TRIM45: variants seen among roughly 807,000 people sequenced by gnomAD.
TRIM45 encodes tripartite motif containing 45, also known as E3 ubiquitin-protein ligase TRIM45.
TRIM45 carries 45 observed loss-of-function variants against 46.7 expected under a neutral mutation model. That is an observed-to-expected ratio of 0.96 (90% CI 0.76 to 1.24). The LOEUF (loss-of-function observed/expected upper bound fraction) is 1.24. TRIM45 is among the 50% of genes most tolerant of loss of function. The probability of loss-of-function intolerance (pLI) is 0.00; values close to 1 mark genes in which losing one functional copy is unlikely to be tolerated. For missense variants in TRIM45, 680 were observed against 728.4 expected, an observed-to-expected ratio of 0.93 and a Z score of 0.77; for synonymous variants, 259 against 285.8, an observed-to-expected ratio of 0.91 and a Z score of 0.94.
In TRIM45 at chr1:117,121,280, A is replaced by C. The variant is rs937692369; in HGVS notation, c.-79T>G. 1.1e-5 allele frequency: 17 copies of C among 1,481,212 alleles called. No homozygotes were observed. The highest frequency in any genetic ancestry group is 6.8e-5 in the Admixed American group (3 of 43,868). 91.8% of individuals were successfully genotyped at this position (1,481,212 alleles called of 1,614,324 possible). The stretch of plus-strand genomic sequence containing the variant: ...TAGTAGCAGGTGATTAAGCCCACCC[A>C]AAGAGAAAGTCTCCAGAACTTGAAC... On this transcript the variant is annotated 5_prime_UTR_variant, in exon 1 of 6. Transcript: ENST00000256649. The surrounding 1 kb of genome is among the most constrained non-coding windows in gnomAD (Gnocchi z 4.2).
Position 117,121,480 on chromosome 1 carries a change from A to G in TRIM45, c.-279T>C. ...GCAAGTCCTCCCCGGATGCGCTTCC[A>G]GGTCTAGCTCTCCAGCTAGTCCTGC... is the stretch of plus-strand genomic sequence containing the variant. On this transcript the variant is annotated 5_prime_UTR_variant, in exon 1 of 6. Coordinates refer to ENST00000256649, the MANE Select transcript of TRIM45 (RefSeq NM_025188.4). This position sits in a 1 kb window ranked among gnomAD's most constrained non-coding sequence, Gnocchi z 4.2. 1.9e-6 allele frequency: 1 copy of G among 516,494 alleles called. No individual in the cohort carries two copies. Among genetic ancestry groups the G allele is most frequent in the South Asian group, 3.0e-5 (1 of 33,252 alleles). 32.0% of individuals were successfully genotyped at this position (516,494 alleles called of 1,614,324 possible).
At chr1:117,122,144 A>C (rs1330962223), upstream of TRIM45, 2 of 284,740 alleles carry the variant, frequency 7.0e-6, no homozygotes, top group Middle Eastern at 1.1e-3. Flanking sequence ...ACGAACGCAG[A>C]CTGGGTTCTC....
rs1475574282 is a variant in TRIM45 at position 117,120,733 on chromosome 1, A to T, written c.469T>A (p.Phe157Ile). ...CTTTACCTATGAGCCTGGCAGCAGA[A>T]GTGGCAGAGGTTGGCTTTGCAGGTC... The part of the protein sequence containing the change: ...CQTCKANLCH[F>I]CCQAHRRQKK... The change falls in exon 1 of 6, where the codon TTC (phenylalanine) becomes ATC (isoleucine). Residue 157 changes from phenylalanine to isoleucine, a missense_variant. Phe to Ile is a conservative substitution (Grantham distance 21). Around this residue, in one of 3 missense-constraint regions of TRIM45, gnomAD observed 349 missense variants for 343.6 expected, o/e 1.02. Transcript: ENST00000256649. The T allele has an allele frequency of 3.1e-6, 5 of 1,609,138 alleles. No homozygotes were observed. The highest frequency in any genetic ancestry group is 4.2e-6 in the Non-Finnish European group (5 of 1,176,870).
Position 117,113,269 on chromosome 1 carries a change from A to T in TRIM45, c.1594+90T>A, listed in dbSNP as rs1236299992. ...CTTCCTAGAAACAGAGCCTAAGTCC[A>T]AATGTCTAGTGGCTGTGTGGTAGGG... is the stretch of plus-strand genomic sequence containing the variant. On this transcript the variant is annotated intron_variant, in intron 5 of 5. Transcript: ENST00000256649. This position sits in a 1 kb window ranked among gnomAD's most constrained non-coding sequence, Gnocchi z 4.0. 18 of 1,541,150 alleles carry T rather than the reference A, an allele frequency of 1.2e-5. No homozygotes were observed. In the East Asian group the frequency reaches 3.6e-4, roughly 31 times the overall value.
chr1:117,123,625 C>CTT (rs111567538), upstream of TRIM45, among the ~76,000 whole-genome samples: 18 of 144,100 alleles, frequency 1.2e-4, no homozygotes, highest in African/African-American at 1.8e-4. Flanking sequence ...CTACCTTTCC[C>CTT]TTTTTTTTTT....
Position 117,121,111 on chromosome 1 carries a change from G to T in TRIM45, c.91C>A (p.Leu31Met), listed in dbSNP as rs200255999. The T allele has an allele frequency of 2.0e-5, 32 of 1,613,564 alleles. No individual in the cohort carries two copies. The highest frequency in any genetic ancestry group is 2.7e-5 in the African/African-American group (2 of 74,978). The change falls in exon 1 of 6, where the codon CTG becomes ATG. Residue 31 changes from leucine to methionine, a missense_variant. Around this residue, in one of 3 missense-constraint regions of TRIM45, gnomAD observed 349 missense variants for 343.6 expected, o/e 1.02. Coordinates refer to ENST00000256649, the MANE Select transcript of TRIM45 (RefSeq NM_025188.4). This position sits in a 1 kb window ranked among gnomAD's most constrained non-coding sequence, Gnocchi z 4.2. ...LGNSGKTHCP[L>M]CLGLFKAPRL... ...GGGGCTTTGAAAAGCCCCAAGCACA[G>T]GGGGCAGTGAGTCTTGCCTGAGTTC...
Position 117,118,173 on chromosome 1 carries a change from T to G in TRIM45, c.1083A>C (p.Gln361His), listed in dbSNP as rs201391609. The change falls in exon 2 of 6, where the codon CAA becomes CAC. Residue 361 changes from glutamine (Q) to histidine (H), a missense_variant. Physicochemically the swap from Gln to His is conservative, Grantham distance 24. Transcript: ENST00000256649. This position sits in a 1 kb window ranked among gnomAD's most constrained non-coding sequence, Gnocchi z 5.7. ...CATTTACTCCAGGACGGGTGCTATA[T>G]TGAACTTTGTTCAGCTTCCTGAGCC... ...VERLRKLNKVQYSTRPGVNDK... is the reference protein window; with the variant it reads ...VERLRKLNKVHYSTRPGVNDK... The G allele has an allele frequency of 1.3e-5, 21 of 1,614,128 alleles. No homozygotes were observed. The highest frequency in any genetic ancestry group is 1.8e-5 in the Non-Finnish European group (21 of 1,180,054).
chr1:117,118,765 C>A lies in TRIM45; in HGVS notation c.491G>T (p.Arg164Leu), dbSNP rs749162163. The A allele has an allele frequency of 1.2e-6, 2 of 1,609,264 alleles. No individual in the cohort carries two copies. Among genetic ancestry groups the A allele is most frequent in the Non-Finnish European group, 1.7e-6 (2 of 1,177,254 alleles). The change falls in exon 2 of 6, where the codon CGG becomes CTG. Residue 164 changes from arginine (R) to leucine (L), a missense_variant and splice_region_variant. By Grantham distance (102) the Arg-to-Leu change is moderately radical. Transcript: ENST00000256649. This position sits in a 1 kb window ranked among gnomAD's most constrained non-coding sequence, Gnocchi z 5.7. ...LCHFCCQAHR[R>L]QKKTTYHTMV... ...GGTGTGGTAAGTCGTTTTCTTCTGC[C>A]GCCTAGGGGCAAACAGAATCAGTAA...
At chr1:117,123,595 A>G (rs1439310490), upstream of TRIM45, among the ~76,000 whole-genome samples, 2 of 152,034 alleles carry the variant, frequency 1.3e-5, no homozygotes, top group African/African-American at 2.4e-5. Context: ...GCCATATCTA[A>G]GATTATATTC....
chr1:117,120,611 AT>A, intron 1 of TRIM45, 102 bp downstream of exon 1: 1 of 1,479,346 alleles, frequency 6.8e-7, no homozygotes, highest in Non-Finnish European at 9.0e-7. Flanking sequence ...CTTCCACGGT[AT>A]TTGAGAAGGC....
chr1:117,118,067 C>T lies in TRIM45; in HGVS notation c.1189G>A (p.Val397Ile), dbSNP rs1327791671. 3 of 1,614,000 alleles carry T rather than the reference C, an allele frequency of 1.9e-6. No homozygotes were observed. Among genetic ancestry groups the T allele is most frequent in the African/African-American group, 2.7e-5 (2 of 74,934 alleles). ...TGTAGGACACATTTGGCTGGATCAA[C>T]CTCTTTGGTATTAATCGTACCATAA... ...EIYGTINTKE[V>I]DPAKCVLQGE... The change falls in exon 2 of 6, where the codon GTT becomes ATT. Residue 397 changes from valine to isoleucine, a missense_variant. By Grantham distance (29) the Val-to-Ile change is conservative (BLOSUM62 3). Transcript: ENST00000256649. This position sits in a 1 kb window ranked among gnomAD's most constrained non-coding sequence, Gnocchi z 5.7.
rs1480603240 is a variant in TRIM45 at position 117,118,301 on chromosome 1, G to T, written c.955C>A (p.Gln319Lys). Residue 319 changes from glutamine (Q) to lysine (K), a missense_variant, in exon 2 of 6, where the codon CAG becomes AAG. Coordinates refer to ENST00000256649, the MANE Select transcript of TRIM45 (RefSeq NM_025188.4). This position sits in a 1 kb window ranked among gnomAD's most constrained non-coding sequence, Gnocchi z 5.7. ...SLQLQKAQLE[Q>K]LLADMRTGVE... ...CCAGTCCGCATGTCTGCCAGTAACT[G>T]TTCCAGCTGGGCCTTCTGCAGCTGC... 6.2e-7 allele frequency: 1 copy of T among 1,614,178 alleles called. No individual in the cohort carries two copies. The highest frequency in any genetic ancestry group is 1.7e-5 in the Admixed American group (1 of 60,032).
At chr1:117,114,526 C>T (rs932208942) in intron 4 of TRIM45, among the ~76,000 whole-genome samples, 46 of 152,268 alleles carry the variant, frequency 3.0e-4, no homozygotes, top group Non-Finnish European at 4.3e-4. Context: ...TTTGCGAAAA[C>T]GCAAAACAGA....
Position 117,121,588 on chromosome 1 carries a change from G to A in TRIM45, c.-387C>T, listed in dbSNP as rs1650636029. On this transcript the variant is annotated 5_prime_UTR_variant, in exon 1 of 6. Coordinates refer to ENST00000256649, the MANE Select transcript of TRIM45 (RefSeq NM_025188.4). This position sits in a 1 kb window ranked among gnomAD's most constrained non-coding sequence, Gnocchi z 4.2. ...GCCCGCCCCACTGCGCGCCACACGC[G>A]ACAAGCGCCGACCCCACCCGCGCAC... 2 of 300,092 alleles carry A rather than the reference G, an allele frequency of 6.7e-6. No homozygotes were observed. The highest frequency in any genetic ancestry group is 1.2e-5 in the Non-Finnish European group (2 of 160,772). The allele number at this position is 300,092 out of a possible 1,614,324, so 18.6% of individuals were successfully genotyped here. A position where few individuals can be genotyped will look rare whatever the true frequency, so the allele number is the denominator to read the frequency against.
intron 1 of TRIM45, among the ~76,000 whole-genome samples, chr1:117,119,664 C>T (rs943234451): frequency 6.6e-6 from 1 of 151,890 alleles, no homozygotes; most frequent in African/African-American, 2.4e-5. Context: ...AGAATCAAAG[C>T]TCTCTTTCTA....
In TRIM45 at chr1:117,117,912, A is replaced by G. The variant is rs1650462483; in HGVS notation, c.1222+122T>C. On this transcript the variant is annotated intron_variant, in intron 2 of 5. Transcript: ENST00000256649. The surrounding 1 kb of genome is among the most constrained non-coding windows in gnomAD (Gnocchi z 4.9). ...GGGTCACTGTCTTTCAGATCAGTTT[A>G]TCTCCCCACCTTTGGTAACCTGGTC... 1.5e-6 allele frequency: 2 copies of G among 1,311,172 alleles called. No homozygotes were observed. Among genetic ancestry groups the G allele is most frequent in the Admixed American group, 2.2e-5 (1 of 44,752 alleles). The allele number at this position is 1,311,172 out of a possible 1,614,324, so 81.2% of individuals were successfully genotyped here. A position where few individuals can be genotyped will look rare whatever the true frequency, so the allele number is the denominator to read the frequency against.
intron 1 of TRIM45, among the ~76,000 whole-genome samples, chr1:117,120,192 A>G (rs1038965394): frequency 6.6e-6 from 1 of 152,232 alleles, no homozygotes; most frequent in Non-Finnish European, 1.5e-5. Flanking sequence ...CTATTCTAGG[A>G]GCACAGCATG....
At chr1:117,120,466 G>C (rs1033864729) in intron 1 of TRIM45, among the ~76,000 whole-genome samples, 7 of 152,366 alleles carry the variant, frequency 4.6e-5, no homozygotes, top group African/African-American at 1.7e-4. Context: ...GAAGGAAACT[G>C]TAGCTGCACT....
In TRIM45 at chr1:117,121,563, G is replaced by A. The variant is rs1650634923; in HGVS notation, c.-362C>T. 6.7e-6 allele frequency: 2 copies of A among 297,962 alleles called. No homozygotes were observed. The highest frequency in any genetic ancestry group is 1.3e-5 in the Non-Finnish European group (2 of 157,418). The allele number at this position is 297,962 out of a possible 1,614,324, so 18.5% of individuals were successfully genotyped here. A position where few individuals can be genotyped will look rare whatever the true frequency, so the allele number is the denominator to read the frequency against. The stretch of plus-strand genomic sequence containing the variant: ...CCTCCACTGCCACCCCCCTCCCGCC[G>A]CCCGCCCCACTGCGCGCCACACGCG... On this transcript the variant is annotated 5_prime_UTR_variant, in exon 1 of 6. Coordinates refer to ENST00000256649, the MANE Select transcript of TRIM45 (RefSeq NM_025188.4). The surrounding 1 kb of genome is among the most constrained non-coding windows in gnomAD (Gnocchi z 4.2).
Sources: allele counts gnomAD v4.1 joint callset (sites outside exome capture counted in the v4.1 genomes callset), GRCh38; gene constraint gnomAD v4.1.1; regional missense constraint gnomAD v4.1.1; non-coding constraint Gnocchi (gnomAD v3.1); transcripts MANE v1.5; gene names NCBI Gene and HGNC (gene_info 2026-07-23, HGNC 2026-07-21).